The following DNAH5 variants were observed in gnomAD, a reference collection of about 807,000 sequenced individuals.
DNAH5 encodes dynein axonemal heavy chain 5.
A neutral mutation model predicts 518.2 loss-of-function variants in DNAH5; 372 were observed. The ratio of observed to expected loss-of-function variants is 0.72; its 90% CI spans 0.66 to 0.78. The LOEUF (loss-of-function observed/expected upper bound fraction) is 0.78, where lower values mean the gene tolerates loss of function less well. DNAH5 is among the 30% of genes least tolerant of loss of function. DNAH5 has a pLI of 0.00. For synonymous variants in DNAH5, 2,039 were observed against 2,025.9 expected, an observed-to-expected ratio of 1.01 and a Z score of -0.17; for missense variants, 5,523 against 5,687.0, an observed-to-expected ratio of 0.97 and a Z score of 0.93.
At chr5:13,814,117 G>A (rs948478289) in intron 43 of DNAH5, among the ~76,000 whole-genome samples, 1 of 152,060 alleles carries the variant, frequency 6.6e-6, no homozygotes, top group African/African-American at 2.4e-5. Context: ...TTGATGAGAT[G>A]TTATCTGAAA....
chr5:13,926,223 G>A (rs978145556), intron 3 of DNAH5, among the ~76,000 whole-genome samples: 1 of 152,168 alleles, frequency 6.6e-6, no homozygotes, highest in Non-Finnish European at 1.5e-5. Context: ...CAGAGTGAGC[G>A]AGACTGGTGG....
At chr5:13,790,027 T>C (rs976743291) in intron 50 of DNAH5, among the ~76,000 whole-genome samples, 2 of 152,152 alleles carry the variant, frequency 1.3e-5, no homozygotes, top group African/African-American at 4.8e-5. Context: ...TCAGAAAGGC[T>C]ATTATTAAAA....
At position 13,865,704 on chromosome 5, in the gene DNAH5, T is replaced by G. The variant is rs147322363; in HGVS notation, c.4319A>C (p.Glu1440Ala). 1.0e-4 allele frequency: 168 copies of G among 1,600,408 alleles called. No homozygotes were observed. Among genetic ancestry groups the G allele is most frequent in the Non-Finnish European group, 1.4e-4 (164 of 1,167,712 alleles). ...YDILWSEVNIEKINNELLEFQ... is the reference protein window; with the variant it reads ...YDILWSEVNIAKINNELLEFQ... ...TTCTAAGAGTTCATTGTTAATTTTTTCAATATTCACCTCTGACCAAAGAAT... is the reference window on the plus strand; with the variant it reads ...TTCTAAGAGTTCATTGTTAATTTTTGCAATATTCACCTCTGACCAAAGAAT... Residue 1440 changes from glutamate (E) to alanine (A), a missense_variant, in exon 27 of 79, where the codon GAA becomes GCA. Transcript: ENST00000265104.
intron 62 of DNAH5, among the ~76,000 whole-genome samples, 197 bp downstream of exon 62, chr5:13,754,006 C>A (rs984076024): frequency 2.6e-5 from 4 of 152,202 alleles, no homozygotes; most frequent in African/African-American, 9.7e-5. Flanking sequence ...GAGGCACACA[C>A]ACACACACAG....
At chr5:13,985,400 A>C (rs1245341219) in intron 1 of DNAH5, among the ~76,000 whole-genome samples, 1 of 148,566 alleles carries the variant, frequency 6.7e-6, no homozygotes, top group South Asian at 2.1e-4. Flanking sequence ...CACGTTGTGC[A>C]CATGTACCCT....
intron 15 of DNAH5, among the ~76,000 whole-genome samples, chr5:13,895,045 C>CCAAAAAAAT (rs1773731238): frequency 0.011 from 2 of 180 alleles, 1 homozygote; most frequent in African/African-American, 0.018. Flanking sequence ...GCGGGCGGAT[C>CCAAAAAAAT]ACGAGGTCAG....
chr5:13,830,314 C>G, intron 36 of DNAH5, 101 bp from the exon 37 acceptor site: 1 of 1,156,434 alleles, frequency 8.6e-7, no homozygotes, highest in Non-Finnish European at 1.3e-6. Flanking sequence ...GATGTAAGTT[C>G]ATTCAAAAGT....
intron 61 of DNAH5, among the ~76,000 whole-genome samples, 195 bp downstream of exon 61, chr5:13,758,651 T>A (rs1467586840): frequency 6.6e-6 from 1 of 152,024 alleles, no homozygotes; most frequent in African/African-American, 2.4e-5. Context: ...ACAAAGAAAC[T>A]CAGAATGGCT....
In DNAH5 at chr5:13,903,684, C is replaced by T. The variant is rs574118618; in HGVS notation, c.1645-1546G>A. Among the ~76,000 whole-genome samples the T allele has an allele frequency of 3.3e-5, 5 of 151,638 alleles. No homozygotes were observed. In the East Asian group the frequency reaches 5.8e-4, roughly 18 times the overall value. On this transcript the variant is annotated intron_variant, in intron 12 of 78. Coordinates refer to ENST00000265104, the MANE Select transcript of DNAH5 (RefSeq NM_001369.3). ...CAAATACCTCGTGGAGAACAATAGCCGACAAAAATCAGTGAATAAAGATCT... is the reference window on the plus strand; with the variant it reads ...CAAATACCTCGTGGAGAACAATAGCTGACAAAAATCAGTGAATAAAGATCT...
chr5:13,692,004 G>A lies in DNAH5; in HGVS notation c.13855C>T (p.Leu4619Phe). 5 of 1,614,084 alleles carry A rather than the reference G, an allele frequency of 3.1e-6. No homozygotes were observed. Among genetic ancestry groups the A allele is most frequent in the Non-Finnish European group, 3.4e-6 (4 of 1,179,984 alleles). ...ACATGTTACTTGACATCACACAGAA[G>A]GGCAACCCCACGGAGCACCCAGTGT... is the stretch of plus-strand genomic sequence containing the variant. The part of the protein sequence containing the change: ...PEHWVLRGVA[L>F]LCDVK Residue 4619 changes from leucine to phenylalanine, a missense_variant, in exon 79 of 79, where the codon CTT (leucine) becomes TTT (phenylalanine). Leu to Phe is a conservative substitution (Grantham distance 22). Around this residue, in one of 3 missense-constraint regions of DNAH5, gnomAD observed 387 missense variants for 430.0 expected, o/e 0.90. Coordinates refer to ENST00000265104, the MANE Select transcript of DNAH5 (RefSeq NM_001369.3).
chr5:13,750,346 C>T (rs187007254), intron 65 of DNAH5, among the ~76,000 whole-genome samples: 40 of 152,304 alleles, frequency 2.6e-4, no homozygotes, highest in Non-Finnish European at 4.3e-4. Context: ...AAATCTTCCA[C>T]GTTTCTTTGC....
intron 1 of DNAH5, among the ~76,000 whole-genome samples, chr5:13,989,599 T>A (rs10052894): frequency 0.27 from 41,049 of 150,704 alleles, 5,998 homozygotes; most frequent in East Asian, 0.6. Flanking sequence ...TTCTCCTGCC[T>A]CAGCCTCCGG....
At chr5:13,761,259 G>GA (rs1437143778) in intron 60 of DNAH5, among the ~76,000 whole-genome samples, 1 of 152,060 alleles carries the variant, frequency 6.6e-6, no homozygotes, top group Non-Finnish European at 1.5e-5. Flanking sequence ...AACAATAACA[G>GA]AAAAAAACTA....
At chr5:13,781,127 G>C (rs1755060318) in intron 52 of DNAH5, among the ~76,000 whole-genome samples, 168 bp from the exon 53 acceptor site, 1 of 152,168 alleles carries the variant, frequency 6.6e-6, no homozygotes, top group Non-Finnish European at 1.5e-5. Flanking sequence ...TTCTGAAATA[G>C]AACAGTGTTG....
Position 13,864,393 on chromosome 5 carries a change from C to G in DNAH5, c.4596+4G>C. ...TTGCAATCTTCCATCACATCATACTCTACCTCTATTTCCTCTTTATATTTC... is the reference window on the plus strand; with the variant it reads ...TTGCAATCTTCCATCACATCATACTGTACCTCTATTTCCTCTTTATATTTC... On this transcript the variant is annotated splice_donor_region_variant and intron_variant, in intron 28 of 78. Transcript: ENST00000265104. 2 of 1,613,760 alleles carry G rather than the reference C, an allele frequency of 1.2e-6. No homozygotes were observed. Among genetic ancestry groups the G allele is most frequent in the Non-Finnish European group, 1.7e-6 (2 of 1,179,982 alleles).
chr5:13,786,309 T>C lies in DNAH5; in HGVS notation c.8690A>G (p.Tyr2897Cys), dbSNP rs768985491. 6.2e-7 allele frequency: 1 copy of C among 1,614,132 alleles called. No individual in the cohort carries two copies. The highest frequency in any genetic ancestry group is 8.5e-7 in the Non-Finnish European group (1 of 1,180,024). The change falls in exon 52 of 79, where the codon TAT becomes TGT. Residue 2897 changes from tyrosine (Y) to cysteine (C), a missense_variant. Coordinates refer to ENST00000265104, the MANE Select transcript of DNAH5 (RefSeq NM_001369.3). ...EEADAETPKI[Y>C]EPIESFSHLK... Reference sequence around the variant, plus strand: ...GTGACTAAAAGATTCAATTGGCTCATAAATTTTAGGTGTTTCAGCATCAGC... The same window carrying C: ...GTGACTAAAAGATTCAATTGGCTCACAAATTTTAGGTGTTTCAGCATCAGC...
intron 49 of DNAH5, among the ~76,000 whole-genome samples, chr5:13,792,684 T>C (rs777951485): frequency 1.1e-4 from 16 of 152,140 alleles, no homozygotes; most frequent in South Asian, 6.2e-4. Flanking sequence ...TTCTGGTCCA[T>C]GTTTCTTTTC....
At chr5:13,925,969 C>T (rs1301786525) in intron 3 of DNAH5, among the ~76,000 whole-genome samples, 1 of 152,162 alleles carries the variant, frequency 6.6e-6, no homozygotes, top group African/African-American at 2.4e-5. Flanking sequence ...ACCCAACCAC[C>T]TAAAGAGCTT....
Position 13,758,966 on chromosome 5 carries a change from T to C in DNAH5, c.10299A>G (p.Gln3433=), listed in dbSNP as rs1332914016. Reference sequence around the variant, plus strand: ...GCATGGCCAGGAGATGGCGATTCTCTTGCACCACCAAGTTGGCCTGCACAG... The same window carrying C: ...GCATGGCCAGGAGATGGCGATTCTCCTGCACCACCAAGTTGGCCTGCACAG... The part of the protein sequence containing the change: ...VLPLKANLVV[Q]ENRHLLAMQD... Residue 3433 remains glutamine, a synonymous_variant, in exon 61 of 79, where the codon CAA becomes CAG. Transcript: ENST00000265104. The C allele has an allele frequency of 1.9e-6, 3 of 1,614,130 alleles. No individual in the cohort carries two copies.
Sources: allele counts gnomAD v4.1 joint callset (sites outside exome capture counted in the v4.1 genomes callset), GRCh38; gene constraint gnomAD v4.1.1; regional missense constraint gnomAD v4.1.1; transcripts MANE v1.5; gene names NCBI Gene and HGNC (gene_info 2026-07-23, HGNC 2026-07-21).